Variants in ADAMTSL3 observed in about 807,000 individuals in gnomAD.
The protein encoded by ADAMTSL3 is ADAMTS like 3.
Under a neutral mutation model 201.7 loss-of-function variants are expected in ADAMTSL3, and 128 were observed. The observed-to-expected ratio is 0.63, with a 90% CI of 0.55 to 0.73. The LOEUF is 0.73. Among genes scored for constraint, ADAMTSL3 ranks in the 30% least tolerant of loss-of-function variants. ADAMTSL3 has a pLI of 0.00. For synonymous variants in ADAMTSL3, 738 were observed against 748.4 expected (o/e 0.99, Z 0.23); for missense variants, 1,990 against 2,119.6 (o/e 0.94, Z 1.20).
intron 23 of ADAMTSL3, among the ~76,000 whole-genome samples, chr15:84,005,596 T>C (rs2067879279): frequency 6.6e-6 from 1 of 152,210 alleles, no homozygotes; most frequent in South Asian, 2.1e-4. Context: ...CAGTGAACTG[T>C]GTGGTGCTCA....
chr15:84,035,184 C>T (rs1336172342), intron 28 of ADAMTSL3, among the ~76,000 whole-genome samples: 2 of 152,154 alleles, frequency 1.3e-5, no homozygotes, highest in Non-Finnish European at 1.5e-5. Flanking sequence ...GTCTGACTTC[C>T]CACTGGCCCT....
At chr15:83,903,851 G>T (rs150379392) in intron 15 of ADAMTSL3, among the ~76,000 whole-genome samples, 5 of 141,878 alleles carry the variant, frequency 3.5e-5, no homozygotes, top group African/African-American at 1.0e-4. Flanking sequence ...TCGGGAGGCA[G>T]AGGTTGCAGT....
intron 19 of ADAMTSL3, among the ~76,000 whole-genome samples, chr15:83,966,866 G>GA (rs1341244993): frequency 6.6e-6 from 1 of 152,054 alleles, no homozygotes; most frequent in Non-Finnish European, 1.5e-5. Context: ...GGGATGCAAG[G>GA]CTGGTTCAAC....
At position 83,865,492 on chromosome 15, in the gene ADAMTSL3, G is replaced by A. The variant is rs572939404; in HGVS notation, c.803-5310G>A. On this transcript the variant is annotated intron_variant, in intron 8 of 29. Coordinates refer to ENST00000286744, the MANE Select transcript of ADAMTSL3 (RefSeq NM_207517.3). ...CAACCATCTGATCTTTGACAAACCC[G>A]ACAAAAACAAGAAATGGGGAAACAA... 2.3e-4 allele frequency among the ~76,000 whole-genome samples: 35 copies of A among 152,092 alleles called. 1 individual carries two copies. The highest frequency in any genetic ancestry group is 2.2e-4 in the Non-Finnish European group (15 of 68,028).
intron 15 of ADAMTSL3, among the ~76,000 whole-genome samples, chr15:83,910,840 A>G (rs2065918776): frequency 6.7e-6 from 1 of 149,598 alleles, no homozygotes; most frequent in African/African-American, 2.5e-5. Context: ...GAGTTTCGCC[A>G]TGTTGGCCAG....
At chr15:83,946,237 CACCACT>C (rs1555463613) in intron 19 of ADAMTSL3, among the ~76,000 whole-genome samples, 7 of 152,216 alleles carry the variant, frequency 4.6e-5, no homozygotes, top group Non-Finnish European at 8.8e-5. Context: ...GTGGTGACAT[CACCACT>C]TTCCTCCGTG....
At chr15:83,968,336 G>GA (rs1433704239) in intron 19 of ADAMTSL3, among the ~76,000 whole-genome samples, 2 of 152,078 alleles carry the variant, frequency 1.3e-5, no homozygotes, top group African/African-American at 2.4e-5. Context: ...AAATTTACAA[G>GA]AAAAAACCCC....
chr15:83,771,175 TTTTTTTTTTA>T (rs1441410121), intron 3 of ADAMTSL3, among the ~76,000 whole-genome samples: 7 of 151,748 alleles, frequency 4.6e-5, no homozygotes, highest in Non-Finnish European at 8.8e-5. Context: ...CTCTTTTTTT[TTTTTTTTTTA>T]TTTTAATAGG....
At chr15:83,681,855 T>C (rs980017019) in intron 2 of ADAMTSL3, among the ~76,000 whole-genome samples, 11 of 152,186 alleles carry the variant, frequency 7.2e-5, no homozygotes, top group Non-Finnish European at 1.2e-4. Flanking sequence ...ACTTCTAGAA[T>C]TTTATTTATT....
chr15:83,994,057 T>G (rs546251968), intron 23 of ADAMTSL3, among the ~76,000 whole-genome samples: 31 of 152,346 alleles, frequency 2.0e-4, no homozygotes, highest in African/African-American at 7.0e-4. Flanking sequence ...AGGAACTCTC[T>G]TGGCCCACAG....
intron 3 of ADAMTSL3, 121 bp downstream of exon 3, chr15:83,704,629 C>G: frequency 1.5e-6 from 2 of 1,293,382 alleles, no homozygotes; most frequent in East Asian, 2.4e-5. Flanking sequence ...TACAACAGAC[C>G]CTTGACACCC....
At chr15:83,940,580 A>G (rs1198822994) in intron 17 of ADAMTSL3, among the ~76,000 whole-genome samples, 1 of 152,114 alleles carries the variant, frequency 6.6e-6, no homozygotes, top group East Asian at 1.9e-4. Flanking sequence ...CCCATCTCTA[A>G]ATACCATCAT....
chr15:83,681,340 C>A (rs1053924083), intron 2 of ADAMTSL3, among the ~76,000 whole-genome samples: 1 of 152,062 alleles, frequency 6.6e-6, no homozygotes, highest in African/African-American at 2.4e-5. Context: ...AGAGGTGACA[C>A]GTCATTTATA....
intron 15 of ADAMTSL3, among the ~76,000 whole-genome samples, chr15:83,902,130 C>T (rs371439346): frequency 6.6e-6 from 1 of 152,180 alleles, no homozygotes; most frequent in Non-Finnish European, 1.5e-5. Flanking sequence ...TCCATCCAAA[C>T]TACCATCCTT....
chr15:84,022,771 A>G (rs2068228232), intron 26 of ADAMTSL3, among the ~76,000 whole-genome samples: 1 of 152,090 alleles, frequency 6.6e-6, no homozygotes, highest in Non-Finnish European at 1.5e-5. Flanking sequence ...TATCTCTTTT[A>G]TCGCTTGTCT....
rs1303188631 is a variant in ADAMTSL3, at chr15:83,828,550, C to T, written c.600+8503C>T. Among the ~76,000 whole-genome samples, 5 of 152,278 alleles carry T rather than the reference C, an allele frequency of 3.3e-5. No individual in the cohort carries two copies. In the East Asian group the frequency reaches 9.6e-4, roughly 29 times the overall value. ...TCCTGCGTGATTGCCCTGGCCAGAA[C>T]TTCCAACACTATGTTGAATAGGAGT... On this transcript the variant is annotated intron_variant, in intron 6 of 29. Transcript: ENST00000286744.
Position 83,873,455 on chromosome 15 carries a change from C to T in ADAMTSL3, c.960+2496C>T, listed in dbSNP as rs910326511. 3.4e-5 allele frequency among the ~76,000 whole-genome samples: 5 copies of T among 145,086 alleles called. 1 individual carries two copies. The highest frequency in any genetic ancestry group is 7.5e-5 in the Non-Finnish European group (5 of 66,632). On this transcript the variant is annotated intron_variant, in intron 9 of 29. Transcript: ENST00000286744. ...TTTTTGAGATAGGGTCTTGCTCTGT[C>T]ACCCAGGCCAAGTACAGGCTGCAAG...
At chr15:83,824,526 G>A (rs368491943) in intron 6 of ADAMTSL3, among the ~76,000 whole-genome samples, 2 of 152,122 alleles carry the variant, frequency 1.3e-5, no homozygotes, top group African/African-American at 4.8e-5. Context: ...CTCACTCTTG[G>A]TGTTGTAAAT....
chr15:83,854,529 A>G lies in ADAMTSL3; in HGVS notation c.728-4237A>G, dbSNP rs183635542. Among the ~76,000 whole-genome samples, 266 of 152,222 alleles carry G rather than the reference A, an allele frequency of 1.7e-3. 1 individual carries two copies. The highest frequency in any genetic ancestry group is 6.1e-3 in the African/African-American group (254 of 41,534). ...GTATTACTCACACAGGTGGTGAACT[A>G]CACATACTGTGTTGTATAGATCCAT... On this transcript the variant is annotated intron_variant, in intron 7 of 29. Transcript: ENST00000286744.
Sources: allele counts gnomAD v4.1 joint callset (sites outside exome capture counted in the v4.1 genomes callset), GRCh38; gene constraint gnomAD v4.1.1; transcripts MANE v1.5; gene names NCBI Gene and HGNC (gene_info 2026-07-23, HGNC 2026-07-21).